Variants in POLR1C observed in about 807,000 individuals in gnomAD.
POLR1C encodes RNA polymerase I and III subunit C.
Under a neutral mutation model 38.3 loss-of-function variants are expected in POLR1C, and 42 were observed. The ratio of observed to expected loss-of-function variants is 1.10; its 90% confidence interval spans 0.86 to 1.42. The LOEUF (loss-of-function observed/expected upper bound fraction) is 1.42. Among genes scored for constraint, POLR1C ranks in the 40% most tolerant of loss-of-function variants. POLR1C has a pLI of 0.00. For missense variants in POLR1C, 507 were observed against 450.5 expected (o/e 1.13, Z -1.14); for synonymous variants, 163 against 163.9 (o/e 0.99, Z 0.04).
downstream of POLR1C, chr6:43,523,788 C>A: frequency 1.2e-6 from 2 of 1,610,742 alleles, no homozygotes; most frequent in Non-Finnish European, 1.7e-6. Context: ...GGTGGCAGTG[C>A]AAGAAGGGCC....
chr6:43,520,125 C>G lies in POLR1C; in HGVS notation c.442C>G (p.Arg148Gly). The part of the protein sequence containing the change: ...LQFRLQVRCT[R>G]NPHAAKDSSD... Reference sequence around the variant, plus strand: ...GTTTCGTCTCCAGGTCAGATGCACTCGGAACCCCCATGCTGCTAAAGATTC... The same window carrying G: ...GTTTCGTCTCCAGGTCAGATGCACTGGGAACCCCCATGCTGCTAAAGATTC... Residue 148 changes from arginine to glycine, a missense_variant, in exon 5 of 9, where the codon CGG becomes GGG. Arg to Gly is a moderately radical substitution (Grantham distance 125). Transcript: ENST00000642195. 1 of 1,614,202 alleles carries G rather than the reference C, an allele frequency of 6.2e-7. No homozygotes were observed. Among genetic ancestry groups the G allele is most frequent in the Non-Finnish European group, 8.5e-7 (1 of 1,180,024 alleles).
At chr6:43,531,801 T>G (rs989708854), downstream of POLR1C, among the ~76,000 whole-genome samples, 1 of 152,136 alleles carries the variant, frequency 6.6e-6, no homozygotes, top group Non-Finnish European at 1.5e-5. Flanking sequence ...TATCTGCTTT[T>G]TTTTTTCCCC....
At chr6:43,525,736 G>A (rs1434974691), downstream of POLR1C, 4 of 1,202,742 alleles carry the variant, frequency 3.3e-6, no homozygotes, top group Non-Finnish European at 4.6e-6. Flanking sequence ...TGTAACAAAG[G>A]AGTATTACAA....
intron 8 of POLR1C, chr6:43,529,034 T>G: frequency 4.3e-6 from 5 of 1,158,164 alleles, no homozygotes; most frequent in Non-Finnish European, 6.1e-6. Context: ...TTGCCAGATG[T>G]CAAAAATATC....
At chr6:43,532,408 GA>G (rs1794041948), downstream of POLR1C, among the ~76,000 whole-genome samples, 1 of 152,192 alleles carries the variant, frequency 6.6e-6, no homozygotes, top group African/African-American at 2.4e-5. Context: ...TGATGACAAA[GA>G]CAAACTATGG....
intron 9 of POLR1C, among the ~76,000 whole-genome samples, chr6:43,535,648 A>C (rs1229588514): frequency 6.6e-6 from 1 of 151,546 alleles, no homozygotes; most frequent in African/African-American, 2.4e-5. Flanking sequence ...ATCTCTACTA[A>C]AAATACAAAA....
intron 9 of POLR1C, among the ~76,000 whole-genome samples, chr6:43,547,022 G>A (rs1582221327): frequency 6.6e-6 from 1 of 152,078 alleles, no homozygotes; most frequent in South Asian, 2.1e-4. Flanking sequence ...CCCACCCACA[G>A]GACCCTGATG....
intron 9 of POLR1C, among the ~76,000 whole-genome samples, chr6:43,537,793 A>G (rs1415751831): frequency 2.0e-5 from 3 of 152,188 alleles, no homozygotes; most frequent in African/African-American, 4.8e-5. Flanking sequence ...AGGGCCAGGC[A>G]TGGTAGCTCA....
rs73426764 is a variant in POLR1C, at chr6:43,536,124, C to T, written c.*4+6765C>T. On this transcript the variant is annotated intron_variant, in intron 9 of 10. Coordinates refer to the POLR1C transcript ENST00000607635. ...CTCCCTCTCAAAAAAAAAAGTCATTCGCTACCCTGGCCAGGCACAGTGACT... is the reference window on the plus strand; with the variant it reads ...CTCCCTCTCAAAAAAAAAAGTCATTTGCTACCCTGGCCAGGCACAGTGACT... Among the ~76,000 whole-genome samples, 489 of 149,622 alleles carry T rather than the reference C, an allele frequency of 3.3e-3. 2 individuals carry two copies. The highest frequency in any genetic ancestry group is 0.011 in the African/African-American group (456 of 40,632).
rs1458519150 is a variant in POLR1C at position 43,527,677 on chromosome 6, C to T, written c.923-1572C>T. 6 of 1,613,880 alleles carry T rather than the reference C, an allele frequency of 3.7e-6. No homozygotes were observed. In the African/African-American group the frequency reaches 8.0e-5, roughly 22 times the overall value. On this transcript the variant is annotated intron_variant, in intron 8 of 8. Coordinates refer to the POLR1C transcript ENST00000304004. ...CTCGGGTTAACATCCTCACCAGTTGCTCCTCCAGCATCTCTTGAGACTCTG... is the reference window on the plus strand; with the variant it reads ...CTCGGGTTAACATCCTCACCAGTTGTTCCTCCAGCATCTCTTGAGACTCTG...
intron 9 of POLR1C, chr6:43,549,841 A>G: frequency 6.5e-7 from 1 of 1,536,692 alleles, no homozygotes; most frequent in Non-Finnish European, 8.9e-7. Context: ...TCAGGTATTC[A>G]TACATTTGTA....
At chr6:43,549,096 G>A (rs111944744) in intron 9 of POLR1C, among the ~76,000 whole-genome samples, 4,977 of 152,060 alleles carry the variant, frequency 0.033, 265 homozygotes, top group African/African-American at 0.11. Context: ...ATGGAGTTTC[G>A]CTCGTTGCCC....
chr6:43,551,814 C>T (rs1795242408), intron 10 of POLR1C, among the ~76,000 whole-genome samples: 1 of 152,136 alleles, frequency 6.6e-6, no homozygotes, highest in Non-Finnish European at 1.5e-5. Flanking sequence ...TACTGGCACG[C>T]ACCACCATGC....
intron 9 of POLR1C, among the ~76,000 whole-genome samples, chr6:43,543,960 A>G (rs149149848): frequency 1.3e-5 from 2 of 152,176 alleles, no homozygotes; most frequent in African/African-American, 2.4e-5. Flanking sequence ...TATAGGCATG[A>G]GCTACCGCGC....
downstream of POLR1C, among the ~76,000 whole-genome samples, chr6:43,530,422 C>CAAAAAAA (rs780873253): frequency 7.7e-6 from 1 of 130,242 alleles, no homozygotes. Flanking sequence ...AAGACTGTCT[C>CAAAAAAA]AAAAAAAAAA....
intron 8 of POLR1C, chr6:43,529,016 T>A: frequency 7.9e-7 from 1 of 1,270,010 alleles, no homozygotes; most frequent in Non-Finnish European, 1.1e-6. Flanking sequence ...AATCAATCCC[T>A]AAAGGATTTG....
downstream of POLR1C, chr6:43,523,470 G>A (rs998338275): frequency 2.8e-6 from 1 of 359,958 alleles, no homozygotes; most frequent in Non-Finnish European, 5.5e-6. Flanking sequence ...GTTGAGGGCT[G>A]TGCTCTTGCT....
downstream of POLR1C, chr6:43,523,725 C>T (rs750752194): frequency 2.0e-5 from 27 of 1,340,612 alleles, no homozygotes; most frequent in African/African-American, 4.3e-5. Context: ...AGGGCCTGTT[C>T]TCTCCAGCTC....
chr6:43,525,995 CA>C, downstream of POLR1C: 1 of 1,546,218 alleles, frequency 6.5e-7, no homozygotes, highest in East Asian at 2.3e-5. Context: ...GACAGAAGCG[CA>C]AAAAACAAAG....
Sources: gnomAD v4.1 joint callset for allele counts (sites outside exome capture counted in the v4.1 genomes callset) on GRCh38, gnomAD v4.1.1 for gene constraint, MANE v1.5 for transcripts, NCBI Gene and HGNC (gene_info 2026-07-23, HGNC 2026-07-21) for gene names.